NEK1: variants seen among roughly 807,000 people sequenced by gnomAD.
NEK1 encodes the protein NIMA related kinase 1.
A neutral mutation model predicts 182.1 loss-of-function variants in NEK1; 137 were observed. The observed-to-expected ratio is 0.75, with a 90% CI of 0.65 to 0.87. The LOEUF (loss-of-function observed/expected upper bound fraction) is 0.87. Among genes scored for constraint, NEK1 ranks in the 40% least tolerant of loss-of-function variants. The pLI is 0.00. For synonymous variants in NEK1, 513 were observed against 492.2 expected (o/e 1.04, Z -0.56); for missense variants, 1,391 against 1,494.4 (o/e 0.93, Z 1.14).
intron 29 of NEK1, among the ~76,000 whole-genome samples, chr4:169,430,799 A>G (rs1737278499): frequency 6.6e-6 from 1 of 152,202 alleles, no homozygotes; most frequent in African/African-American, 2.4e-5. Flanking sequence ...CAAATGAAAT[A>G]CATTAATGCA....
Position 169,463,345 on chromosome 4 carries a change from T to C in NEK1, c.2485A>G (p.Arg829Gly). The C allele has an allele frequency of 6.2e-7, 1 of 1,610,654 alleles. No homozygotes were observed. The highest frequency in any genetic ancestry group is 8.5e-7 in the Non-Finnish European group (1 of 1,177,830). ...IKLGPNGSPR[R>G]AWGKSPTDSV... ...TCTGTCGGACTTTTCCCCCAGGCTC[T>C]TCTTGGAGATCCATTAGGACCTAAT... The change falls in exon 27 of 36, where the codon AGA becomes GGA. Residue 829 changes from arginine to glycine, a missense_variant. Arg to Gly is a moderately radical substitution (Grantham distance 125). Around this residue, in one of 5 missense-constraint regions of NEK1, gnomAD observed 1,216 missense variants for 1,277.6 expected, o/e 0.95. Coordinates refer to ENST00000507142, the MANE Select transcript of NEK1 (RefSeq NM_001199397.3).
chr4:169,440,981 C>T (rs1365668838), intron 27 of NEK1, among the ~76,000 whole-genome samples: 1 of 152,216 alleles, frequency 6.6e-6, no homozygotes, highest in Non-Finnish European at 1.5e-5. Flanking sequence ...TCTCCACACC[C>T]CTGGAGCCCT....
chr4:169,510,568 C>T (rs550073461), intron 19 of NEK1, among the ~76,000 whole-genome samples: 2 of 152,226 alleles, frequency 1.3e-5, no homozygotes, highest in African/African-American at 4.8e-5. Context: ...CTCATCCTAC[C>T]TCTAGTCTCA....
chr4:169,498,564 A>G (rs1751808166), intron 23 of NEK1, among the ~76,000 whole-genome samples: 1 of 152,106 alleles, frequency 6.6e-6, no homozygotes, highest in South Asian at 2.1e-4. Context: ...TTCCATGTTT[A>G]GTGCTTCCTT....
chr4:169,439,833 A>T (rs1051074123), intron 27 of NEK1, among the ~76,000 whole-genome samples: 4 of 143,422 alleles, frequency 2.8e-5, no homozygotes, highest in African/African-American at 1.0e-4. Context: ...GAAGAGGAGG[A>T]GGTTAGGGTA....
chr4:169,607,556 A>G (rs953430103), intron 2 of NEK1, among the ~76,000 whole-genome samples: 4 of 151,962 alleles, frequency 2.6e-5, no homozygotes, highest in Non-Finnish European at 4.4e-5. Flanking sequence ...TCCACCTCCC[A>G]GGTTCACGCC....
intron 23 of NEK1, among the ~76,000 whole-genome samples, chr4:169,487,369 T>C (rs909951677): frequency 4.6e-5 from 7 of 152,218 alleles, no homozygotes; most frequent in Non-Finnish European, 8.8e-5. Context: ...TGTGTTCATG[T>C]ATTCTCATCG....
chr4:169,397,611 T>C (rs1485567247), intron 35 of NEK1, among the ~76,000 whole-genome samples: 1 of 152,190 alleles, frequency 6.6e-6, no homozygotes, highest in East Asian at 1.9e-4. Context: ...TCAGGCTTTA[T>C]GATACAGAAC....
chr4:169,495,878 C>T, intron 23 of NEK1, among the ~76,000 whole-genome samples: 1 of 152,120 alleles, frequency 6.6e-6, no homozygotes, highest in Non-Finnish European at 1.5e-5. Flanking sequence ...ATTGACTTGG[C>T]AATGCGGGCT....
intron 12 of NEK1, among the ~76,000 whole-genome samples, chr4:169,565,797 GGGGTTGGGGGAAGAATGGGGAGT>G (rs537987399): frequency 1.8e-3 from 279 of 152,276 alleles, no homozygotes; most frequent in African/African-American, 6.6e-3. Context: ...CTAGGGCTGC[GGGGTTGGGGGAAGAATGGGGAGT>G]GGCTGCTAAT....
At chr4:169,457,076 G>T (rs1044110803) in intron 27 of NEK1, among the ~76,000 whole-genome samples, 5 of 152,124 alleles carry the variant, frequency 3.3e-5, no homozygotes, top group African/African-American at 1.2e-4. Flanking sequence ...TGGTGGTGGT[G>T]GGTGGTGGGG....
intron 28 of NEK1, among the ~76,000 whole-genome samples, chr4:169,434,782 GT>G (rs1314334954): frequency 6.6e-6 from 1 of 152,084 alleles, no homozygotes; most frequent in Non-Finnish European, 1.5e-5. Flanking sequence ...TAATCTTTAA[GT>G]TTTTATCTTT....
intron 26 of NEK1, among the ~76,000 whole-genome samples, chr4:169,476,704 A>G (rs1747012174): frequency 6.6e-6 from 1 of 152,094 alleles, no homozygotes; most frequent in Admixed American, 6.6e-5. Flanking sequence ...AGTAATTATC[A>G]CCGAATATAT....
chr4:169,600,434 A>AG (rs548995363), intron 4 of NEK1, among the ~76,000 whole-genome samples: 10 of 151,960 alleles, frequency 6.6e-5, no homozygotes, highest in Non-Finnish European at 1.5e-4. Flanking sequence ...TGGGCTCAAG[A>AG]GATCCTCCCA....
intron 23 of NEK1, among the ~76,000 whole-genome samples, chr4:169,495,507 G>A (rs1383014508): frequency 2.0e-5 from 3 of 152,144 alleles, no homozygotes; most frequent in East Asian, 1.9e-4. Flanking sequence ...CTCCCAAAGT[G>A]CTGGGATTAC....
In NEK1 at chr4:169,433,525, T is replaced by C; in HGVS notation, c.2885+20A>G. The C allele has an allele frequency of 6.3e-7, 1 of 1,589,268 alleles. No homozygotes were observed. ...CAAAAGGGACCTGGGTTTTAAAATG[T>C]CAGGAAAAGATGTACATACTGAGTT... On this transcript the variant is annotated intron_variant, in intron 29 of 35. Coordinates refer to ENST00000507142, the MANE Select transcript of NEK1 (RefSeq NM_001199397.3).
chr4:169,498,043 G>A (rs1032779759), intron 23 of NEK1, among the ~76,000 whole-genome samples: 3 of 152,156 alleles, frequency 2.0e-5, no homozygotes, highest in Admixed American at 1.3e-4. Flanking sequence ...GGGAGTCTAA[G>A]TCTCTTTGTA....
intron 16 of NEK1, among the ~76,000 whole-genome samples, chr4:169,559,975 C>T (rs1253533298): frequency 6.6e-6 from 1 of 152,188 alleles, no homozygotes; most frequent in Non-Finnish European, 1.5e-5. Flanking sequence ...TGCCATTGCA[C>T]TCCAGCCTGG....
At chr4:169,598,911 A>G (rs1770018783) in intron 5 of NEK1, among the ~76,000 whole-genome samples, 189 bp downstream of exon 5, 1 of 152,268 alleles carries the variant, frequency 6.6e-6, no homozygotes, top group African/African-American at 2.4e-5. Flanking sequence ...ATTACAGACT[A>G]TAAATGAGAT....
Sources: gnomAD v4.1 joint callset for allele counts (sites outside exome capture counted in the v4.1 genomes callset) on GRCh38, gnomAD v4.1.1 for gene constraint, gnomAD v4.1.1 regional missense constraint, MANE v1.5 for transcripts, NCBI Gene and HGNC (gene_info 2026-07-23, HGNC 2026-07-21) for gene names.